The following SYNDIG1 variants were observed in gnomAD, a reference collection of about 807,000 sequenced individuals.
The protein encoded by SYNDIG1 is synapse differentiation-inducing gene protein 1.
In SYNDIG1, 9 loss-of-function variants were observed where a neutral mutation model predicts 19.4. That is an observed-to-expected ratio of 0.46 (90% CI 0.28 to 0.81). The LOEUF (loss-of-function observed/expected upper bound fraction) is 0.81, where lower values mean the gene tolerates loss of function less well. Among genes scored for constraint, SYNDIG1 ranks in the 30% least tolerant of loss-of-function variants. The pLI is 0.12. For missense variants in SYNDIG1, 311 were observed against 343.3 expected (o/e 0.91, Z 0.74); for synonymous variants, 141 against 145.9 (o/e 0.97, Z 0.24).
At chr20:24,661,903 G>T (rs1006042462) in intron 3 of SYNDIG1, among the ~76,000 whole-genome samples, 2 of 152,104 alleles carry the variant, frequency 1.3e-5, no homozygotes, top group Non-Finnish European at 2.9e-5. Context: ...AGGGTGGGGG[G>T]TTCCACCAGA....
intron 3 of SYNDIG1, among the ~76,000 whole-genome samples, chr20:24,621,239 C>T (rs2059033673): frequency 6.6e-6 from 1 of 152,240 alleles, no homozygotes; most frequent in Non-Finnish European, 1.5e-5. Flanking sequence ...TAATCTTCCA[C>T]ATGCATCTCA....
At chr20:24,587,975 A>G (rs1196247033) in intron 3 of SYNDIG1, among the ~76,000 whole-genome samples, 1 of 152,256 alleles carries the variant, frequency 6.6e-6, no homozygotes, top group Non-Finnish European at 1.5e-5. Flanking sequence ...GAAAAACAAA[A>G]CAACATCTTA....
chr20:24,531,280 C>T (rs1406214302), intron 1 of SYNDIG1, among the ~76,000 whole-genome samples: 3 of 152,046 alleles, frequency 2.0e-5, no homozygotes, highest in African/African-American at 7.3e-5. Flanking sequence ...ACATGGAATA[C>T]TATGTTGTGA....
At chr20:24,485,081 A>G (rs970150245) in intron 1 of SYNDIG1, among the ~76,000 whole-genome samples, 1 of 147,550 alleles carries the variant, frequency 6.8e-6, no homozygotes, top group African/African-American at 2.7e-5. Flanking sequence ...CGTCTCTGCC[A>G]TGTTATGATG....
intron 3 of SYNDIG1, among the ~76,000 whole-genome samples, chr20:24,655,223 G>A (rs921378785): frequency 6.6e-6 from 1 of 152,200 alleles, no homozygotes; most frequent in Non-Finnish European, 1.5e-5. Context: ...TTTGATTATA[G>A]CCTGAAAAAA....
chr20:24,579,421 CA>C (rs1236188966), intron 2 of SYNDIG1, among the ~76,000 whole-genome samples: 1 of 151,868 alleles, frequency 6.6e-6, no homozygotes, highest in Non-Finnish European at 1.5e-5. Flanking sequence ...ATTGATCAGG[CA>C]AAAAAACTCT....
chr20:24,593,555 G>A (rs1256956495), intron 3 of SYNDIG1, among the ~76,000 whole-genome samples: 2 of 152,186 alleles, frequency 1.3e-5, no homozygotes, highest in African/African-American at 2.4e-5. Flanking sequence ...TGTATACCCA[G>A]TGATGGAATT....
chr20:24,525,897 A>T (rs948254244), intron 1 of SYNDIG1, among the ~76,000 whole-genome samples: 2 of 152,196 alleles, frequency 1.3e-5, no homozygotes, highest in African/African-American at 4.8e-5. Flanking sequence ...ATATAATGTG[A>T]TATAAATGGA....
chr20:24,554,470 A>T (rs1243102102), intron 2 of SYNDIG1, among the ~76,000 whole-genome samples: 1 of 152,152 alleles, frequency 6.6e-6, no homozygotes, highest in Non-Finnish European at 1.5e-5. Context: ...TTATTTTGAG[A>T]TATGTCCCAT....
At chr20:24,624,384 A>G (rs2059088866) in intron 3 of SYNDIG1, among the ~76,000 whole-genome samples, 1 of 152,236 alleles carries the variant, frequency 6.6e-6, no homozygotes, top group Non-Finnish European at 1.5e-5. Flanking sequence ...TAATCAAAAT[A>G]AAGCTGAAGT....
At chr20:24,614,590 A>G (rs7266994) in intron 3 of SYNDIG1, among the ~76,000 whole-genome samples, 1,823 of 142,862 alleles carry the variant, frequency 0.013, 24 homozygotes, top group Middle Eastern at 0.041. Context: ...AGAAACTGAG[A>G]CTAGGAAAAT....
At chr20:24,612,578 A>G (rs1324372481) in intron 3 of SYNDIG1, among the ~76,000 whole-genome samples, 5 of 152,230 alleles carry the variant, frequency 3.3e-5, no homozygotes, top group Non-Finnish European at 7.4e-5. Flanking sequence ...CAGTAACTTA[A>G]CAGAATTCAA....
intron 3 of SYNDIG1, among the ~76,000 whole-genome samples, chr20:24,639,122 T>C (rs1466120630): frequency 6.6e-6 from 1 of 152,170 alleles, no homozygotes; most frequent in Non-Finnish European, 1.5e-5. Context: ...AAGCACTGTG[T>C]GCAGCCTAAA....
intron 1 of SYNDIG1, among the ~76,000 whole-genome samples, chr20:24,517,230 A>G (rs1403513050): frequency 6.6e-6 from 1 of 151,952 alleles, no homozygotes; most frequent in South Asian, 2.1e-4. Flanking sequence ...CAGCACACCA[A>G]CATGGCACAT....
At chr20:24,474,979 G>T (rs2146200289) in intron 1 of SYNDIG1, among the ~76,000 whole-genome samples, 1 of 152,316 alleles carries the variant, frequency 6.6e-6, no homozygotes, top group South Asian at 2.1e-4. Flanking sequence ...CTTTCTGAAA[G>T]GGAGATACAG....
At position 24,560,694 on chromosome 20, in the gene SYNDIG1, C is replaced by CTTTTTTTTTTTTTTTTTTTTTTTTTTTTT. The variant is rs10658853; in HGVS notation, c.480+17138_480+17139insTTTTTTTTTTTTTTTTTTTTTTTTTTTTT. Among the ~76,000 whole-genome samples the CTTTTTTTTTTTTTTTTTTTTTTTTTTTTT allele has an allele frequency of 2.6e-5, 3 of 113,822 alleles. 1 individual carries two copies. The highest frequency in any genetic ancestry group is 5.5e-5 in the Non-Finnish European group (3 of 54,894). 74.7% of individuals were successfully genotyped at this position (113,822 alleles called of 152,430 possible). ...CCCCCGAGACAGTTTCTGTTGACTACTTTTTTTTTTTTTTTTTTTTTAAAC... is the reference window on the plus strand; with the variant it reads ...CCCCCGAGACAGTTTCTGTTGACTACTTTTTTTTTTTTTTTTTTTTTTTTTTTTTTTTTTTTTTTTTTTTTTTTTTAAAC... On this transcript the variant is annotated intron_variant, in intron 2 of 3. Transcript: ENST00000376862.
At chr20:24,480,878 A>C (rs968993184) in intron 1 of SYNDIG1, among the ~76,000 whole-genome samples, 1 of 152,194 alleles carries the variant, frequency 6.6e-6, no homozygotes, top group Non-Finnish European at 1.5e-5. Context: ...CAGAGACAAA[A>C]AGGCACATAC....
intron 2 of SYNDIG1, among the ~76,000 whole-genome samples, chr20:24,547,774 A>G (rs753479296): frequency 3.3e-5 from 5 of 152,222 alleles, no homozygotes; most frequent in Non-Finnish European, 7.3e-5. Flanking sequence ...AAATAAACTC[A>G]GAGAGACTTC....
Position 24,543,250 on chromosome 20 carries a change from C to T in SYNDIG1, c.153C>T (p.His51=), listed in dbSNP as rs1306015419. Residue 51 remains histidine, a synonymous_variant, in exon 2 of 4, where the codon CAC becomes CAT. Transcript: ENST00000376862. ...ACCCAGCGCCCCAGTACCAGAGCCACCGGGTGGGGGCCAGCACAGTGCCGG... is the reference window on the plus strand; with the variant it reads ...ACCCAGCGCCCCAGTACCAGAGCCATCGGGTGGGGGCCAGCACAGTGCCGG... ...SVYPAPQYQS[H]RVGASTVPAS... 5.6e-6 allele frequency: 9 copies of T among 1,613,654 alleles called. No homozygotes were observed. The highest frequency in any genetic ancestry group is 2.7e-5 in the African/African-American group (2 of 74,906).
Sources: allele counts gnomAD v4.1 joint callset (sites outside exome capture counted in the v4.1 genomes callset), GRCh38; gene constraint gnomAD v4.1.1; transcripts MANE v1.5; gene names NCBI Gene and HGNC (gene_info 2026-07-23, HGNC 2026-07-21).